FCHO2: variants seen among roughly 807,000 people sequenced by gnomAD.
The protein encoded by FCHO2 is F-BAR domain only protein 2.
FCHO2 carries 43 observed loss-of-function variants against 114.1 expected under a neutral mutation model. That is an observed-to-expected ratio of 0.38 (90% confidence interval 0.30 to 0.49). FCHO2 has a LOEUF of 0.49. Among genes scored for constraint, FCHO2 ranks in the 20% least tolerant of loss-of-function variants. The pLI is 0.97. For synonymous variants in FCHO2, 293 were observed against 315.2 expected, an observed-to-expected ratio of 0.93 and a Z score of 0.75; for missense variants, 807 against 950.4, an observed-to-expected ratio of 0.85 and a Z score of 1.98.
At chr5:73,017,872 C>T (rs549288074) in intron 8 of FCHO2, among the ~76,000 whole-genome samples, 67 of 152,168 alleles carry the variant, frequency 4.4e-4, no homozygotes, top group Non-Finnish European at 7.4e-4. Flanking sequence ...AATCCTGGCT[C>T]CTATTTTTAT....
Position 73,059,622 on chromosome 5 carries a change from A to G in FCHO2, c.1345+1098A>G, listed in dbSNP as rs1005181925. ...CAACAAAATATTTTTAAAAGATACT[A>G]TAAGTGGATTATAAGAAACCTTAAC... On this transcript the variant is annotated intron_variant, in intron 17 of 25. Coordinates refer to ENST00000430046, the MANE Select transcript of FCHO2 (RefSeq NM_138782.3). 5.3e-5 allele frequency among the ~76,000 whole-genome samples: 8 copies of G among 152,250 alleles called. No individual in the cohort carries two copies. The East Asian group carries it at 1.2e-3, about 22-fold the overall frequency.
intron 2 of FCHO2, among the ~76,000 whole-genome samples, chr5:72,969,768 A>G (rs1000834819): frequency 1.3e-5 from 2 of 151,696 alleles, no homozygotes; most frequent in African/African-American, 4.8e-5. Context: ...TTACTACTTT[A>G]TTTTTCTCCA....
At chr5:73,037,676 G>A (rs1333074464) in intron 10 of FCHO2, 10 of 306,570 alleles carry the variant, frequency 3.3e-5, no homozygotes, top group Non-Finnish European at 1.3e-5. Context: ...ATAGGGGAGA[G>A]AAAAGCCCTA....
intron 5 of FCHO2, among the ~76,000 whole-genome samples, chr5:73,002,575 A>G (rs1226568829): frequency 6.6e-6 from 1 of 152,198 alleles, no homozygotes; most frequent in Non-Finnish European, 1.5e-5. Flanking sequence ...ATATAATAAA[A>G]TTAGTTTGAG....
intron 1 of FCHO2, among the ~76,000 whole-genome samples, chr5:72,966,568 G>C (rs569402454): frequency 6.6e-6 from 1 of 152,172 alleles, no homozygotes; most frequent in Admixed American, 6.5e-5. Flanking sequence ...TATTCAAAAT[G>C]CTAAGGATAT....
chr5:72,973,864 A>C (rs1483969598), intron 2 of FCHO2, among the ~76,000 whole-genome samples: 1 of 148,576 alleles, frequency 6.7e-6, no homozygotes, highest in Non-Finnish European at 1.5e-5. Flanking sequence ...CCCTCTACAC[A>C]CTGCTTTGAA....
intron 19 of FCHO2, among the ~76,000 whole-genome samples, chr5:73,069,240 C>T (rs182861684): frequency 6.6e-6 from 1 of 152,214 alleles, no homozygotes; most frequent in East Asian, 1.9e-4. Flanking sequence ...CAACCTTTGG[C>T]ACCAGGGACT....
intron 6 of FCHO2, among the ~76,000 whole-genome samples, chr5:73,007,946 G>A (rs1176684335): frequency 6.6e-6 from 1 of 152,088 alleles, no homozygotes. Flanking sequence ...GAAATTAATA[G>A]GGCAAGAGCG....
At chr5:72,991,633 CT>C (rs989458541) in intron 5 of FCHO2, among the ~76,000 whole-genome samples, 4 of 151,430 alleles carry the variant, frequency 2.6e-5, no homozygotes, top group Admixed American at 6.6e-5. Context: ...TGGAAAGTAG[CT>C]TTTTTTTTCT....
intron 1 of FCHO2, among the ~76,000 whole-genome samples, chr5:72,966,331 T>G (rs934479530): frequency 1.3e-5 from 2 of 152,236 alleles, no homozygotes; most frequent in Non-Finnish European, 2.9e-5. Context: ...TCTTTTTGTT[T>G]TTTTAGAGAC....
intron 2 of FCHO2, among the ~76,000 whole-genome samples, chr5:72,982,095 G>C (rs148765882): frequency 1.3e-5 from 2 of 152,188 alleles, no homozygotes; most frequent in African/African-American, 2.4e-5. Context: ...TGGGAAAAGC[G>C]TAGTATCTGG....
chr5:73,051,378 C>T lies in FCHO2; in HGVS notation c.969C>T (p.Tyr323=). Residue 323 remains tyrosine, a synonymous_variant, in exon 12 of 26, where the codon TAC becomes TAT. Coordinates refer to ENST00000430046, the MANE Select transcript of FCHO2 (RefSeq NM_138782.3). ...LNIPDVDEEG[Y]SIKPETNQND... ...TTCCTGATGTAGATGAAGAAGGCTACAGTATTAAACCAGAAACAAATCAGA... is the reference window on the plus strand; with the variant it reads ...TTCCTGATGTAGATGAAGAAGGCTATAGTATTAAACCAGAAACAAATCAGA... The T allele has an allele frequency of 2.0e-6, 3 of 1,533,840 alleles. No individual in the cohort carries two copies. Among genetic ancestry groups the T allele is most frequent in the Admixed American group, 4.0e-5 (2 of 49,964 alleles).
chr5:73,073,236 CA>C (rs576002040), intron 19 of FCHO2, among the ~76,000 whole-genome samples: 6 of 152,056 alleles, frequency 3.9e-5, no homozygotes, highest in Non-Finnish European at 8.8e-5. Context: ...TTTTTCCCTT[CA>C]ATCTAGGATT....
At chr5:73,017,153 A>G in intron 7 of FCHO2, 59 bp from the exon 8 acceptor site, 1 of 983,812 alleles carries the variant, frequency 1.0e-6, no homozygotes, top group Non-Finnish European at 1.5e-6. Flanking sequence ...TGTAAGTTTT[A>G]TCTGAAATAC....
chr5:72,998,303 C>T (rs974720061), intron 5 of FCHO2, among the ~76,000 whole-genome samples: 55 of 152,036 alleles, frequency 3.6e-4, no homozygotes, highest in African/African-American at 1.2e-3. Flanking sequence ...CTGGCTAACA[C>T]GGTGAAACCC....
chr5:73,057,334 G>T (rs1426394929), intron 16 of FCHO2, among the ~76,000 whole-genome samples: 2 of 152,064 alleles, frequency 1.3e-5, no homozygotes, highest in African/African-American at 4.8e-5. Flanking sequence ...TTTATTGGAT[G>T]TATCATTTTT....
chr5:72,973,120 A>G (rs1752660444), intron 2 of FCHO2, among the ~76,000 whole-genome samples: 1 of 151,958 alleles, frequency 6.6e-6, no homozygotes, highest in South Asian at 2.1e-4. Flanking sequence ...TTTATTGAGG[A>G]TTTTTGCATC....
chr5:72,995,854 C>T (rs1754063521), intron 5 of FCHO2, among the ~76,000 whole-genome samples: 1 of 151,986 alleles, frequency 6.6e-6, no homozygotes, highest in South Asian at 2.1e-4. Flanking sequence ...ATTAAAGGTC[C>T]CACCTCTCAA....
intron 16 of FCHO2, among the ~76,000 whole-genome samples, chr5:73,057,415 A>G (rs1019179603): frequency 2.6e-5 from 4 of 152,166 alleles, no homozygotes; most frequent in Non-Finnish European, 4.4e-5. Flanking sequence ...AGGCTTTATC[A>G]TACGAGGTAT....
Sources: gnomAD v4.1 joint callset for allele counts (sites outside exome capture counted in the v4.1 genomes callset) on GRCh38, gnomAD v4.1.1 for gene constraint, MANE v1.5 for transcripts, NCBI Gene and HGNC (gene_info 2026-07-23, HGNC 2026-07-21) for gene names.